Variants in TNFRSF13B observed in about 807,000 individuals in gnomAD.
TNFRSF13B encodes the protein TNF receptor superfamily member 13B.
A neutral mutation model predicts 24.0 loss-of-function variants in TNFRSF13B; 34 were observed. The ratio of observed to expected loss-of-function variants is 1.41; its 90% CI spans 1.08 to 1.88. The LOEUF (loss-of-function observed/expected upper bound fraction) is 1.88, where lower values mean the gene tolerates loss of function less well. Among genes scored for constraint, TNFRSF13B ranks in the 40% most tolerant of loss-of-function variants. TNFRSF13B has a pLI of 0.00. For synonymous variants in TNFRSF13B, 173 were observed against 150.3 expected, an observed-to-expected ratio of 1.15 and a Z score of -1.10; for missense variants, 415 against 380.8, an observed-to-expected ratio of 1.09 and a Z score of -0.75.
chr17:16,968,661 C>A (rs2087722155), intron 1 of TNFRSF13B, among the ~76,000 whole-genome samples: 1 of 152,140 alleles, frequency 6.6e-6, no homozygotes. Context: ...GGCAGTGACA[C>A]CAAATGTGCG....
chr17:16,941,569 C>T, intron 3 of TNFRSF13B: 1 of 987,580 alleles, frequency 1.0e-6, no homozygotes, highest in Non-Finnish European at 1.2e-6. Context: ...ACAGCACCCC[C>T]TTCATCTTCC....
At chr17:16,962,527 G>GA (rs956755733) in intron 1 of TNFRSF13B, among the ~76,000 whole-genome samples, 90 of 142,470 alleles carry the variant, frequency 6.3e-4, no homozygotes, top group Admixed American at 1.2e-3. Context: ...AAAAAAGAAA[G>GA]AAAAAAAAAA....
At chr17:16,954,514 G>C (rs2087612160) in intron 1 of TNFRSF13B, among the ~76,000 whole-genome samples, 3 of 152,220 alleles carry the variant, frequency 2.0e-5, no homozygotes, top group Non-Finnish European at 4.4e-5. Flanking sequence ...CAGAGATCAA[G>C]GGAATGGCAG....
intron 1 of TNFRSF13B, among the ~76,000 whole-genome samples, chr17:16,964,940 C>G (rs534597476): frequency 6.6e-5 from 10 of 152,136 alleles, no homozygotes; most frequent in African/African-American, 2.2e-4. Flanking sequence ...TTTTGTAGAT[C>G]TTCTCAAGGG....
intron 1 of TNFRSF13B, among the ~76,000 whole-genome samples, chr17:16,961,842 G>A (rs539972826): frequency 6.6e-6 from 1 of 152,312 alleles, no homozygotes; most frequent in South Asian, 2.1e-4. Context: ...TATCTATCAA[G>A]TGCGAGGTAG....
At chr17:16,970,131 T>C (rs571313641) in intron 1 of TNFRSF13B, among the ~76,000 whole-genome samples, 2 of 152,218 alleles carry the variant, frequency 1.3e-5, no homozygotes, top group African/African-American at 4.8e-5. Context: ...TCTACCACCA[T>C]GTGGACCTAC....
At chr17:16,962,939 C>T (rs1247502542) in intron 1 of TNFRSF13B, among the ~76,000 whole-genome samples, 5 of 152,184 alleles carry the variant, frequency 3.3e-5, no homozygotes, top group Non-Finnish European at 5.9e-5. Flanking sequence ...CAATCCAGAG[C>T]GTCTAAAATG....
intron 1 of TNFRSF13B, among the ~76,000 whole-genome samples, chr17:16,956,275 T>A (rs2087623887): frequency 6.6e-6 from 1 of 152,220 alleles, no homozygotes; most frequent in Non-Finnish European, 1.5e-5. Context: ...CAGGCAAGTT[T>A]CAGCAATCCT....
intron 1 of TNFRSF13B, among the ~76,000 whole-genome samples, chr17:16,966,764 AT>A (rs71152836): frequency 0.13 from 18,201 of 135,816 alleles, 2,052 homozygotes; most frequent in African/African-American, 0.32. Flanking sequence ...TTACAGCAAC[AT>A]TTTTTTTTTT....
chr17:16,957,759 A>G (rs968413835), intron 1 of TNFRSF13B, among the ~76,000 whole-genome samples: 11 of 151,950 alleles, frequency 7.2e-5, no homozygotes, highest in African/African-American at 2.7e-4. Flanking sequence ...ATTTTAAATC[A>G]CCTTTCAATA....
At chr17:16,961,292 C>T (rs2087660721) in intron 1 of TNFRSF13B, among the ~76,000 whole-genome samples, 1 of 152,168 alleles carries the variant, frequency 6.6e-6, no homozygotes, top group African/African-American at 2.4e-5. Context: ...ATACTTGTGC[C>T]CCAACATTCA....
chr17:16,965,560 C>A (rs1370267941), intron 1 of TNFRSF13B, among the ~76,000 whole-genome samples: 1 of 152,202 alleles, frequency 6.6e-6, no homozygotes, highest in Non-Finnish European at 1.5e-5. Context: ...CGCATTCTTG[C>A]ACTGTGCTGA....
intron 2 of TNFRSF13B, among the ~76,000 whole-genome samples, chr17:16,951,460 T>G (rs919880941): frequency 2.0e-5 from 3 of 152,234 alleles, no homozygotes; most frequent in Admixed American, 1.3e-4. Context: ...CAGGGAAAAC[T>G]GGATATTGCC....
Position 16,945,564 on chromosome 17 carries a change from C to T in TNFRSF13B, c.445+3174G>A, listed in dbSNP as rs375776418. ...GAATGACCCACGGGGGAATCTGTTG[C>T]ATCAGAGGTGGGCAATGTTCCAGGT... On this transcript the variant is annotated intron_variant, in intron 3 of 4. Transcript: ENST00000261652. Among the ~76,000 whole-genome samples the T allele has an allele frequency of 6.1e-4, 93 of 152,316 alleles. 1 individual carries two copies. In the South Asian group the frequency reaches 0.018, roughly 30 times the overall value.
At chr17:16,971,274 G>A (rs2087741999) in intron 1 of TNFRSF13B, among the ~76,000 whole-genome samples, 4 of 151,994 alleles carry the variant, frequency 2.6e-5, no homozygotes, top group African/African-American at 7.3e-5. Flanking sequence ...GCTTGAACCC[G>A]GGAGGCGGAG....
At chr17:16,955,706 G>A (rs2087620211) in intron 1 of TNFRSF13B, among the ~76,000 whole-genome samples, 1 of 152,198 alleles carries the variant, frequency 6.6e-6, no homozygotes, top group Non-Finnish European at 1.5e-5. Flanking sequence ...GGAGTGACAT[G>A]GAGGAAAGCA....
chr17:16,970,861 G>A (rs547435410), intron 1 of TNFRSF13B, among the ~76,000 whole-genome samples: 62 of 152,332 alleles, frequency 4.1e-4, no homozygotes, highest in African/African-American at 1.4e-3. Flanking sequence ...TGGCTGTGTA[G>A]ATTCTGGGGA....
In TNFRSF13B at chr17:16,939,575, G is replaced by A. The variant is rs1198671591; in HGVS notation, c.854C>T (p.Pro285Leu). 2 of 1,613,252 alleles carry A rather than the reference G, an allele frequency of 1.2e-6. No individual in the cohort carries two copies. Among genetic ancestry groups the A allele is most frequent in the Admixed American group, 1.7e-5 (1 of 59,884 alleles). ...TGCACCTGGGCCCCCCTCCTGGGCA[G>A]GCACACACACAATGCCAAGGCCACT... ...PDSGLGIVCV[P>L]AQEGGPGA Residue 285 changes from proline to leucine, a missense_variant, in exon 5 of 5, where the codon CCT (proline) becomes CTT (leucine). Transcript: ENST00000261652.
At position 16,939,758 on chromosome 17, in the gene TNFRSF13B, G is replaced by A; in HGVS notation, c.671C>T (p.Pro224Leu). 1 of 1,611,336 alleles carries A rather than the reference G, an allele frequency of 6.2e-7. No homozygotes were observed. The change falls in exon 5 of 5, where the codon CCC becomes CTC. Residue 224 changes from proline (P) to leucine (L), a missense_variant. Coordinates refer to ENST00000261652, the MANE Select transcript of TNFRSF13B (RefSeq NM_012452.3). ...MEAGSPVSTS[P>L]EPVETCSFCF... ...GAAGCTGCAGGTCTCCACTGGCTCG[G>A]GGGATGTGCTCACAGGGCTGCCGGC...
Sources: allele counts gnomAD v4.1 joint callset (sites outside exome capture counted in the v4.1 genomes callset), GRCh38; gene constraint gnomAD v4.1.1; transcripts MANE v1.5; gene names NCBI Gene and HGNC (gene_info 2026-07-23, HGNC 2026-07-21).